Variants in PIK3R4 observed in about 807,000 individuals in gnomAD.
The protein encoded by PIK3R4 is phosphoinositide 3-kinase regulatory subunit 4.
PIK3R4 carries 46 observed loss-of-function variants against 136.5 expected under a neutral mutation model. That is an observed-to-expected ratio of 0.34 (90% CI 0.27 to 0.43). The LOEUF is 0.43. Among genes scored for constraint, PIK3R4 ranks in the 20% least tolerant of loss-of-function variants. The probability of loss-of-function intolerance (pLI) is 1.00; values close to 1 mark genes in which losing one functional copy is unlikely to be tolerated. For synonymous variants in PIK3R4, 557 were observed against 566.7 expected, an observed-to-expected ratio of 0.98 and a Z score of 0.24; for missense variants, 1,331 against 1,649.5, an observed-to-expected ratio of 0.81 and a Z score of 3.35.
At position 130,686,434 on chromosome 3, in the gene PIK3R4, C is replaced by T. The variant is rs2066491393; in HGVS notation, c.3264-12G>A. The stretch of plus-strand genomic sequence containing the variant: ...TCTGATCTAGAATTCTAGAGAAATA[C>T]ACAAAGCACAGACGTTTCCAGTCAC... On this transcript the variant is annotated splice_polypyrimidine_tract_variant and intron_variant, in intron 14 of 19. Coordinates refer to ENST00000356763, the MANE Select transcript of PIK3R4 (RefSeq NM_014602.3). 6.5e-7 allele frequency: 1 copy of T among 1,529,328 alleles called. No individual in the cohort carries two copies. Among genetic ancestry groups the T allele is most frequent in the Non-Finnish European group, 9.1e-7 (1 of 1,102,840 alleles). 94.7% of individuals were successfully genotyped at this position (1,529,328 alleles called of 1,614,324 possible). A position where few individuals can be genotyped will look rare whatever the true frequency, so the allele number is the denominator to read the frequency against.
intron 8 of PIK3R4, among the ~76,000 whole-genome samples, chr3:130,717,267 T>C (rs925421970): frequency 1.3e-5 from 2 of 152,094 alleles, no homozygotes; most frequent in Non-Finnish European, 2.9e-5. Context: ...TAAAAAGATA[T>C]CTTTTGTCTA....
chr3:130,679,271 G>GTATT lies in PIK3R4; in HGVS notation c.*40_*43dup, dbSNP rs1559817553. 4 of 1,218,314 alleles carry GTATT rather than the reference G, an allele frequency of 3.3e-6. No individual in the cohort carries two copies. The highest frequency in any genetic ancestry group is 1.7e-5 in the South Asian group (1 of 60,600). 75.5% of individuals were successfully genotyped at this position (1,218,314 alleles called of 1,614,324 possible). The stretch of plus-strand genomic sequence containing the variant: ...TAGAAATGCCTTTTCTCGAGTTATA[G>GTATT]TATTATATTTATAACTATTAAAATT... On this transcript the variant is annotated 3_prime_UTR_variant, in exon 20 of 20. Transcript: ENST00000356763.
chr3:130,730,706 C>CAA (rs767601811), intron 4 of PIK3R4, among the ~76,000 whole-genome samples: 1 of 123,536 alleles, frequency 8.1e-6, no homozygotes, highest in East Asian at 2.3e-4. Flanking sequence ...TACTGAGGAC[C>CAA]AAAAAAAAAA....
chr3:130,692,251 T>G (rs756022407), intron 13 of PIK3R4, among the ~76,000 whole-genome samples: 1 of 152,168 alleles, frequency 6.6e-6, no homozygotes, highest in Non-Finnish European at 1.5e-5. Flanking sequence ...AATTCAATGA[T>G]TTTTAGTATA....
chr3:130,706,893 T>C (rs995443654), intron 11 of PIK3R4, 55 bp downstream of exon 11: 2 of 1,429,290 alleles, frequency 1.4e-6, no homozygotes, highest in African/African-American at 1.4e-5. Context: ...ACAACCAAAA[T>C]AGCAGAAGAG....
intron 14 of PIK3R4, among the ~76,000 whole-genome samples, chr3:130,689,664 C>G (rs1235513975): frequency 6.6e-6 from 1 of 152,206 alleles, no homozygotes; most frequent in African/African-American, 2.4e-5. Flanking sequence ...CCACCACCTC[C>G]ACCTGGCCCT....
chr3:130,717,595 A>C (rs2066672863), intron 8 of PIK3R4, among the ~76,000 whole-genome samples: 1 of 152,214 alleles, frequency 6.6e-6, no homozygotes, highest in Admixed American at 6.5e-5. Flanking sequence ...AAATGAATGA[A>C]TCTATGAAGA....
Position 130,680,657 on chromosome 3 carries a change from C to T in PIK3R4, c.3862G>A (p.Val1288Met), listed in dbSNP as rs201079421. Residue 1288 changes from valine to methionine, a missense_variant, in exon 19 of 20, where the codon GTG (valine) becomes ATG (methionine). By Grantham distance (21) the Val-to-Met change is conservative (BLOSUM62 1). Transcript: ENST00000356763. ...VVAGSTSSPS[V>M]SYYRKIIEGT... is the part of the protein sequence containing the mutation. ...TCAATTATTTTCCTGTAGTAGGACA[C>T]AGATGGGGAACTAGTACTTCCTGCA... 1 of 1,613,012 alleles carries T rather than the reference C, an allele frequency of 6.2e-7. No individual in the cohort carries two copies. The highest frequency in any genetic ancestry group is 8.5e-7 in the Non-Finnish European group (1 of 1,179,180).
At position 130,708,503 on chromosome 3, in the gene PIK3R4, A is replaced by G. The variant is rs770925968; in HGVS notation, c.2332-11T>C. 68 of 1,600,606 alleles carry G rather than the reference A, an allele frequency of 4.2e-5. 2 individuals are homozygous for G. In the Middle Eastern group the frequency reaches 1.0e-3, roughly 23 times the overall value. ...TTCCTCTGTCATTCCCTAAAACCAAATAAAACCATATGTTCTAGTTTATTT... is the reference window on the plus strand; with the variant it reads ...TTCCTCTGTCATTCCCTAAAACCAAGTAAAACCATATGTTCTAGTTTATTT... On this transcript the variant is annotated splice_polypyrimidine_tract_variant and intron_variant, in intron 9 of 19. Coordinates refer to ENST00000356763, the MANE Select transcript of PIK3R4 (RefSeq NM_014602.3).
At chr3:130,709,451 T>C (rs562750968) in intron 9 of PIK3R4, among the ~76,000 whole-genome samples, 3 of 152,122 alleles carry the variant, frequency 2.0e-5, no homozygotes, top group Non-Finnish European at 2.9e-5. Context: ...CAGACTATGA[T>C]AAAACCAACC....
chr3:130,718,495 C>T lies in PIK3R4; in HGVS notation c.2021G>A (p.Gly674Asp), dbSNP rs1262441528. ...TACCACTGTGATAAATCCCACGGCA[C>T]CATAACGTATCCATAAATTGGGATG... ...LCHPNLWIRY[G>D]AVGFITVVAR... is the part of the protein sequence containing the mutation. Residue 674 changes from glycine to aspartate, a missense_variant, in exon 8 of 20, where the codon GGT becomes GAT. Coordinates refer to ENST00000356763, the MANE Select transcript of PIK3R4 (RefSeq NM_014602.3). 3.7e-6 allele frequency: 6 copies of T among 1,613,542 alleles called. No homozygotes were observed. In the African/African-American group the frequency reaches 4.0e-5, roughly 11 times the overall value.
At chr3:130,700,193 C>T (rs2066567628) in intron 13 of PIK3R4, among the ~76,000 whole-genome samples, 1 of 152,204 alleles carries the variant, frequency 6.6e-6, no homozygotes, top group African/African-American at 2.4e-5. Flanking sequence ...TGTTGCCCTT[C>T]ATATTCCCTT....
chr3:130,715,849 C>A (rs1232374113), intron 9 of PIK3R4, among the ~76,000 whole-genome samples: 1 of 152,088 alleles, frequency 6.6e-6, no homozygotes, highest in African/African-American at 2.4e-5. Flanking sequence ...ATTACCAATG[C>A]CAAGTGTAGT....
intron 2 of PIK3R4, among the ~76,000 whole-genome samples, chr3:130,737,917 C>G (rs2066794767): frequency 6.6e-6 from 1 of 152,138 alleles, no homozygotes; most frequent in South Asian, 2.1e-4. Flanking sequence ...ACTTTTGCAC[C>G]ATGGTAAAAT....
At chr3:130,743,372 C>G (rs1333209667) in intron 2 of PIK3R4, among the ~76,000 whole-genome samples, 1 of 152,046 alleles carries the variant, frequency 6.6e-6, no homozygotes, top group East Asian at 1.9e-4. Context: ...ACAATTGCAC[C>G]ACTGGGCACC....
At position 130,712,037 on chromosome 3, in the gene PIK3R4, A is replaced by G. The variant is rs2066635317; in HGVS notation, c.2332-3545T>C. Among the ~76,000 whole-genome samples the G allele has an allele frequency of 2.0e-5, 3 of 152,202 alleles. No individual in the cohort carries two copies. In the South Asian group the frequency reaches 6.2e-4, roughly 31 times the overall value. On this transcript the variant is annotated intron_variant, in intron 9 of 19. Transcript: ENST00000356763. ...ATGGATACAAATAAAACAGGGAGCT[A>G]TTGTAGATGGATCTAATGAAAACAG...
intron 2 of PIK3R4, among the ~76,000 whole-genome samples, chr3:130,738,098 A>G (rs2066795820): frequency 6.6e-6 from 1 of 152,204 alleles, no homozygotes; most frequent in Non-Finnish European, 1.5e-5. Flanking sequence ...CACTCAATAA[A>G]TTTGTTAATT....
At chr3:130,743,775 G>A (rs149199086) in intron 2 of PIK3R4, among the ~76,000 whole-genome samples, 39 of 152,258 alleles carry the variant, frequency 2.6e-4, no homozygotes, top group Middle Eastern at 3.4e-3. Flanking sequence ...CTCCTAACTT[G>A]TTTTCCTGTC....
intron 12 of PIK3R4, 87 bp downstream of exon 12, chr3:130,705,474 C>T: frequency 1.2e-6 from 1 of 822,210 alleles, no homozygotes; most frequent in Admixed American, 2.3e-5. Flanking sequence ...CCTCTTTTGT[C>T]TGGTAGTTAA....
Sources: gnomAD v4.1 joint callset for allele counts (sites outside exome capture counted in the v4.1 genomes callset) on GRCh38, gnomAD v4.1.1 for gene constraint, MANE v1.5 for transcripts, NCBI Gene and HGNC (gene_info 2026-07-23, HGNC 2026-07-21) for gene names.